GPHN: variants seen among roughly 807,000 people sequenced by gnomAD.
GPHN encodes the protein gephyrin.
In GPHN, 17 loss-of-function variants were observed where a neutral mutation model predicts 95.5. That is an observed-to-expected ratio of 0.18 (90% CI 0.12 to 0.27). The LOEUF is 0.27. Among genes scored for constraint, GPHN ranks in the 10% least tolerant of loss-of-function variants. The pLI, the probability that GPHN is intolerant of heterozygous loss-of-function variation, is 1.00. For missense variants in GPHN, 660 were observed against 978.1 expected, an observed-to-expected ratio of 0.67 and a Z score of 4.34; for synonymous variants, 320 against 322.5, an observed-to-expected ratio of 0.99 and a Z score of 0.08.
chr14:66,655,140 A>G (rs2065239476), intron 1 of GPHN, among the ~76,000 whole-genome samples: 1 of 152,188 alleles, frequency 6.6e-6, no homozygotes, highest in Non-Finnish European at 1.5e-5. Context: ...AATATTGTCT[A>G]TGTATACTAA....
At chr14:66,622,926 C>A (rs948105851) in intron 1 of GPHN, among the ~76,000 whole-genome samples, 2 of 152,194 alleles carry the variant, frequency 1.3e-5, no homozygotes, top group Admixed American at 6.5e-5. Context: ...TGCCTGTTAT[C>A]CAGTTCCAAA....
chr14:67,442,765 GAC>G, the GPHN span, among the ~76,000 whole-genome samples: 12 of 152,364 alleles, frequency 7.9e-5, no homozygotes, highest in South Asian at 2.5e-3. Flanking sequence ...GCTGTGGGAA[GAC>G]ACAGCTTAAT....
Position 66,995,271 on chromosome 14 carries a change from CATT to C in GPHN, c.964-28361_964-28359del, listed in dbSNP as rs1211217356. Among the ~76,000 whole-genome samples, 12 of 152,270 alleles carry C rather than the reference CATT, an allele frequency of 7.9e-5. No individual in the cohort carries two copies. The South Asian group carries it at 1.2e-3, about 16-fold the overall frequency. On this transcript the variant is annotated intron_variant, in intron 9 of 22. Transcript: ENST00000478722. Reference sequence around the variant, plus strand: ...TCAGTTCAGCATCATAAAGGTTAAACATTGTTGTAAGTATAAAATAGCTATTTT... The same window carrying C: ...TCAGTTCAGCATCATAAAGGTTAAACGTTGTAAGTATAAAATAGCTATTTT...
chr14:67,659,810 C>G, the GPHN span: 2 of 1,614,132 alleles, frequency 1.2e-6, no homozygotes, highest in Admixed American at 3.3e-5. Flanking sequence ...AGGTGTGCTT[C>G]TCACCTCCCG....
chr14:66,610,466 A>G (rs1451774684), intron 1 of GPHN, among the ~76,000 whole-genome samples: 4 of 151,974 alleles, frequency 2.6e-5, no homozygotes, highest in African/African-American at 7.3e-5. Flanking sequence ...AGATTTGTTC[A>G]AAGTATGTTT....
At chr14:67,710,347 T>A in the GPHN span, among the ~76,000 whole-genome samples, 2 of 152,226 alleles carry the variant, frequency 1.3e-5, no homozygotes, top group Admixed American at 1.3e-4. Flanking sequence ...TAATCTTTTT[T>A]TCCTAAGCAA....
chr14:66,828,940 G>A (rs1255231949), intron 4 of GPHN, among the ~76,000 whole-genome samples: 1 of 151,906 alleles, frequency 6.6e-6, no homozygotes, highest in East Asian at 1.9e-4. Context: ...TCTGATACTT[G>A]CATGCCTTCT....
intron 8 of GPHN, among the ~76,000 whole-genome samples, chr14:66,963,684 T>G (rs1449805325): frequency 1.3e-5 from 2 of 152,166 alleles, no homozygotes; most frequent in Non-Finnish European, 2.9e-5. Flanking sequence ...TACTCAAATA[T>G]GTTAGCAAAT....
chr14:66,846,149 A>G (rs2062328503), intron 4 of GPHN, among the ~76,000 whole-genome samples: 1 of 152,130 alleles, frequency 6.6e-6, no homozygotes, highest in South Asian at 2.1e-4. Flanking sequence ...TAATTCAACA[A>G]TTTTAGGGGG....
chr14:67,662,380 A>G, the GPHN span: 1 of 1,101,406 alleles, frequency 9.1e-7, no homozygotes, highest in Non-Finnish European at 1.3e-6. Flanking sequence ...ATCAAGATCA[A>G]TGGACAGGAA....
the GPHN span, among the ~76,000 whole-genome samples, chr14:67,709,023 C>A: frequency 6.6e-6 from 1 of 152,162 alleles, no homozygotes; most frequent in African/African-American, 2.4e-5. Context: ...GATCTTTTGA[C>A]CTCATGATCC....
intron 2 of GPHN, among the ~76,000 whole-genome samples, chr14:66,692,075 T>C (rs1362486903): frequency 2.0e-5 from 3 of 152,330 alleles, no homozygotes; most frequent in Admixed American, 2.0e-4. Context: ...GTCCTTAGTT[T>C]TCCTTTGATT....
chr14:66,680,600 T>C (rs2153394799), intron 1 of GPHN, among the ~76,000 whole-genome samples: 1 of 152,360 alleles, frequency 6.6e-6, no homozygotes, highest in Non-Finnish European at 1.5e-5. Flanking sequence ...TCCTTCTTTC[T>C]TAGCTAGTCT....
chr14:66,584,872 G>A (rs778048417), intron 1 of GPHN, among the ~76,000 whole-genome samples: 37 of 152,060 alleles, frequency 2.4e-4, no homozygotes, highest in Non-Finnish European at 5.9e-5. Flanking sequence ...GTCTCTGCCC[G>A]GCTTTGGTAT....
At chr14:67,188,829 CTTTCTTTCTTTTCTTTCTT>C in the GPHN span, among the ~76,000 whole-genome samples, 1 of 149,758 alleles carries the variant, frequency 6.7e-6, no homozygotes, top group Admixed American at 6.7e-5. Context: ...CTTTTTCTTT[CTTTCTTTCTTTTCTTTCTT>C]TTTCTTTCTT....
intron 1 of GPHN, among the ~76,000 whole-genome samples, chr14:66,511,706 A>G (rs2058045974): frequency 6.6e-6 from 1 of 152,036 alleles, no homozygotes; most frequent in African/African-American, 2.4e-5. Flanking sequence ...AATTAATTGT[A>G]TTAGGTTTAT....
At chr14:66,980,324 C>T (rs1200187838) in intron 9 of GPHN, among the ~76,000 whole-genome samples, 15 of 152,124 alleles carry the variant, frequency 9.9e-5, no homozygotes, top group Admixed American at 8.5e-4. Context: ...CTAAGCCAGT[C>T]TCTTCTTAAT....
intron 1 of GPHN, among the ~76,000 whole-genome samples, chr14:66,619,376 TGTTATGTTTGGTC>T (rs1396852220): frequency 6.6e-6 from 1 of 152,180 alleles, no homozygotes; most frequent in Non-Finnish European, 1.5e-5. Context: ...TACCCACATT[TGTTATGTTTGGTC>T]TTTTAAATTT....
At chr14:67,520,822 C>A in the GPHN span, among the ~76,000 whole-genome samples, 1 of 152,202 alleles carries the variant, frequency 6.6e-6, no homozygotes, top group Non-Finnish European at 1.5e-5. Context: ...CTCCTTTGGG[C>A]AAATACCAAG....
Sources: allele counts gnomAD v4.1 joint callset (sites outside exome capture counted in the v4.1 genomes callset), GRCh38; gene constraint gnomAD v4.1.1; transcripts MANE v1.5; gene names NCBI Gene and HGNC (gene_info 2026-07-23, HGNC 2026-07-21).